The following PCDH9 variants were observed in gnomAD, a reference collection of about 807,000 sequenced individuals.
The protein encoded by PCDH9 is protocadherin-9.
In PCDH9, 24 loss-of-function variants were observed where a neutral mutation model predicts 70.6. The ratio of observed to expected loss-of-function variants is 0.34; its 90% CI spans 0.25 to 0.48. The LOEUF is 0.48. Among genes scored for constraint, PCDH9 ranks in the 20% least tolerant of loss-of-function variants. The probability of loss-of-function intolerance (pLI) is 0.99; values close to 1 mark genes in which losing one functional copy is unlikely to be tolerated. For synonymous variants in PCDH9, 562 were observed against 558.5 expected (o/e 1.01, Z -0.09); for missense variants, 1,281 against 1,503.6 (o/e 0.85, Z 2.45).
chr13:67,122,252 A>C (rs1002291592), intron 2 of PCDH9, among the ~76,000 whole-genome samples: 9 of 152,206 alleles, frequency 5.9e-5, no homozygotes, highest in Admixed American at 3.3e-4. Flanking sequence ...ATTGTAATTT[A>C]CACAATTACA....
intron 3 of PCDH9, among the ~76,000 whole-genome samples, chr13:66,645,311 G>C (rs188484297): frequency 3.5e-4 from 53 of 152,104 alleles, no homozygotes; most frequent in African/African-American, 1.3e-3. Flanking sequence ...AGTGTTTGCA[G>C]GGCAAAACTG....
intron 3 of PCDH9, among the ~76,000 whole-genome samples, chr13:66,848,193 T>G (rs1015462034): frequency 1.3e-5 from 2 of 152,172 alleles, no homozygotes; most frequent in African/African-American, 2.4e-5. Flanking sequence ...TTTTGCTATA[T>G]TAGAAGAGAA....
intron 4 of PCDH9, among the ~76,000 whole-genome samples, chr13:66,332,553 C>CT (rs999339632): frequency 2.6e-5 from 4 of 151,984 alleles, no homozygotes; most frequent in African/African-American, 7.3e-5. Flanking sequence ...TTAAGGAACA[C>CT]TTAAGTCTCA....
chr13:66,826,399 T>C (rs2080824454), intron 3 of PCDH9, among the ~76,000 whole-genome samples: 5 of 152,190 alleles, frequency 3.3e-5, no homozygotes, highest in Non-Finnish European at 1.5e-5. Context: ...GTAAAAGAGA[T>C]AATATAAAGA....
At chr13:66,740,871 T>A in intron 3 of PCDH9, among the ~76,000 whole-genome samples, 1 of 126,876 alleles carries the variant, frequency 7.9e-6, no homozygotes, top group Non-Finnish European at 1.7e-5. Flanking sequence ...CCAAAAAGAG[T>A]CCAGGACCAG....
chr13:66,401,361 C>A (rs1444389), intron 4 of PCDH9, among the ~76,000 whole-genome samples: 1 of 147,340 alleles, frequency 6.8e-6, no homozygotes, highest in African/African-American at 2.6e-5. Flanking sequence ...GTTTTTTTTT[C>A]CCCCCCTTTG....
chr13:67,018,921 C>G (rs996089056), intron 2 of PCDH9, among the ~76,000 whole-genome samples: 1 of 152,134 alleles, frequency 6.6e-6, no homozygotes, highest in Non-Finnish European at 1.5e-5. Context: ...CGTTTCTGAT[C>G]TCATGATTTC....
At chr13:66,827,360 CAAAAAAAAA>C (rs71110608) in intron 3 of PCDH9, among the ~76,000 whole-genome samples, 38 of 120,274 alleles carry the variant, frequency 3.2e-4, no homozygotes, top group Admixed American at 2.9e-3. Context: ...AGGAAAATGG[CAAAAAAAAA>C]AAAAAGAAAA....
intron 3 of PCDH9, among the ~76,000 whole-genome samples, chr13:66,778,664 A>G (rs1016174256): frequency 1.8e-4 from 27 of 152,226 alleles, no homozygotes; most frequent in Admixed American, 1.6e-3. Context: ...CACTTTGACA[A>G]ATGCTCTAAA....
chr13:66,684,557 T>C (rs1262445191), intron 3 of PCDH9, among the ~76,000 whole-genome samples: 2 of 152,132 alleles, frequency 1.3e-5, no homozygotes, highest in Non-Finnish European at 2.9e-5. Flanking sequence ...ATAAGGGGCT[T>C]TCCCCCTTTC....
intron 3 of PCDH9, among the ~76,000 whole-genome samples, chr13:66,755,374 A>T (rs555819810): frequency 6.6e-6 from 1 of 152,314 alleles, no homozygotes; most frequent in East Asian, 1.9e-4. Context: ...ACATAGTTGG[A>T]GAGCGACTGA....
intron 2 of PCDH9, among the ~76,000 whole-genome samples, chr13:67,140,042 C>A (rs1374539889): frequency 3.6e-5 from 5 of 138,400 alleles, no homozygotes; most frequent in African/African-American, 1.3e-4. Flanking sequence ...CCCCCCCGCC[C>A]ATTGTGTTAT....
chr13:66,662,307 T>C (rs1248704480), intron 3 of PCDH9, among the ~76,000 whole-genome samples: 2 of 151,844 alleles, frequency 1.3e-5, no homozygotes, highest in Admixed American at 6.6e-5. Flanking sequence ...ACCCCGTCTC[T>C]ACTAAAAATA....
At chr13:66,434,610 T>G (rs1957834147) in intron 4 of PCDH9, among the ~76,000 whole-genome samples, 1 of 151,958 alleles carries the variant, frequency 6.6e-6, no homozygotes, top group Non-Finnish European at 1.5e-5. Flanking sequence ...GAAATGGAAT[T>G]ATAGTACTTG....
intron 2 of PCDH9, among the ~76,000 whole-genome samples, chr13:67,189,984 G>A (rs1328905267): frequency 6.6e-6 from 1 of 151,954 alleles, no homozygotes; most frequent in African/African-American, 2.4e-5. Flanking sequence ...TACAAAATTA[G>A]TCTACCAAAG....
chr13:66,463,353 A>C (rs1958458869), intron 4 of PCDH9, among the ~76,000 whole-genome samples: 1 of 151,852 alleles, frequency 6.6e-6, no homozygotes, highest in Admixed American at 6.6e-5. Flanking sequence ...AAACAGAATG[A>C]CTTAGAACAC....
intron 2 of PCDH9, among the ~76,000 whole-genome samples, chr13:66,907,289 C>T (rs1038028963): frequency 4.6e-5 from 7 of 152,084 alleles, no homozygotes; most frequent in South Asian, 2.1e-4. Context: ...TAAATAACTG[C>T]GTATTGAATT....
intron 4 of PCDH9, among the ~76,000 whole-genome samples, chr13:66,316,561 C>T (rs1391329837): frequency 6.6e-6 from 1 of 152,186 alleles, no homozygotes; most frequent in East Asian, 1.9e-4. Flanking sequence ...GTCTCAGGGT[C>T]TGTGGATTTG....
chr13:66,891,448 G>GA (rs1167013518), intron 3 of PCDH9, among the ~76,000 whole-genome samples: 2 of 152,036 alleles, frequency 1.3e-5, no homozygotes, highest in East Asian at 1.9e-4. Flanking sequence ...TGAAATTTTG[G>GA]AAAAAATGCA....
Sources: allele counts gnomAD v4.1 joint callset (sites outside exome capture counted in the v4.1 genomes callset), GRCh38; gene constraint gnomAD v4.1.1; transcripts MANE v1.5; gene names NCBI Gene and HGNC (gene_info 2026-07-23, HGNC 2026-07-21).